PDE7B: variants seen among roughly 807,000 people sequenced by gnomAD.
PDE7B encodes phosphodiesterase 7B.
Under a neutral mutation model 56.2 loss-of-function variants are expected in PDE7B, and 29 were observed. The observed-to-expected ratio is 0.52, with a 90% CI of 0.38 to 0.70. PDE7B has a LOEUF of 0.70. Ranked by LOEUF, PDE7B falls within the 30% of genes least tolerant of loss-of-function variation. PDE7B has a pLI of 0.00. For missense variants in PDE7B, 490 were observed against 565.0 expected (o/e 0.87, Z 1.35); for synonymous variants, 197 against 196.9 (o/e 1.00, Z 0.00).
intron 1 of PDE7B, among the ~76,000 whole-genome samples, chr6:135,917,317 AT>A (rs902819734): frequency 1.3e-5 from 2 of 150,558 alleles, no homozygotes; most frequent in African/African-American, 2.4e-5. Context: ...TGCATAGGTT[AT>A]TTTTTTTTCC....
chr6:135,869,939 A>T (rs1364411199), intron 1 of PDE7B, among the ~76,000 whole-genome samples: 1 of 152,250 alleles, frequency 6.6e-6, no homozygotes, highest in African/African-American at 2.4e-5. Context: ...GGCACAGGGC[A>T]TGCAGATATT....
At chr6:135,981,201 G>A (rs1378355769) in intron 2 of PDE7B, among the ~76,000 whole-genome samples, 1 of 148,094 alleles carries the variant, frequency 6.8e-6, no homozygotes, top group African/African-American at 2.5e-5. Flanking sequence ...ACCAAACACC[G>A]AATATTCTCA....
chr6:135,977,794 G>T (rs1167587647), intron 2 of PDE7B, among the ~76,000 whole-genome samples: 1 of 152,122 alleles, frequency 6.6e-6, no homozygotes, highest in African/African-American at 2.4e-5. Context: ...AAGTGAAATT[G>T]CATGGGCCTA....
intron 2 of PDE7B, among the ~76,000 whole-genome samples, chr6:136,052,572 T>C (rs1020668278): frequency 1.3e-5 from 2 of 151,564 alleles, no homozygotes; most frequent in African/African-American, 2.4e-5. Flanking sequence ...AGTGCAAGTC[T>C]CCACCCAGAG....
intron 2 of PDE7B, among the ~76,000 whole-genome samples, chr6:136,054,123 T>A (rs1463340931): frequency 6.6e-6 from 1 of 152,168 alleles, no homozygotes; most frequent in Admixed American, 6.5e-5. Flanking sequence ...GACATGAAGT[T>A]CTTGCCCATG....
Position 135,929,616 on chromosome 6 carries a change from C to A in PDE7B, c.22-17848C>A, listed in dbSNP as rs140255352. On this transcript the variant is annotated intron_variant, in intron 1 of 12. Transcript: ENST00000308191. ...TCTTTTCCTTTTTATAATGCAGCTA[C>A]TAGAAAACTTAAAAGTACATATGTG... 3.4e-3 allele frequency among the ~76,000 whole-genome samples: 524 copies of A among 152,206 alleles called. 3 individuals carry two copies. Among genetic ancestry groups the A allele is most frequent in the African/African-American group, 0.012 (502 of 41,534 alleles).
intron 2 of PDE7B, among the ~76,000 whole-genome samples, chr6:135,998,230 T>C (rs1775600570): frequency 6.6e-6 from 1 of 152,176 alleles, no homozygotes; most frequent in South Asian, 2.1e-4. Flanking sequence ...AAAATAGAGG[T>C]TCACTATTAT....
chr6:136,145,721 C>T (rs1308553726), intron 3 of PDE7B, among the ~76,000 whole-genome samples: 1 of 152,136 alleles, frequency 6.6e-6, no homozygotes, highest in Non-Finnish European at 1.5e-5. Context: ...CTTGGCTTTC[C>T]TCTGTCCTTA....
chr6:136,054,222 A>G (rs562263930), intron 2 of PDE7B, among the ~76,000 whole-genome samples: 38 of 152,216 alleles, frequency 2.5e-4, no homozygotes, highest in Middle Eastern at 3.4e-3. Context: ...ATCTTGAATT[A>G]ATTTTTGTAT....
intron 2 of PDE7B, among the ~76,000 whole-genome samples, chr6:136,100,705 C>T (rs1777546496): frequency 6.6e-6 from 1 of 152,182 alleles, no homozygotes; most frequent in African/African-American, 2.4e-5. Flanking sequence ...GCTATCATGT[C>T]ATCTGCAAAC....
chr6:136,004,071 C>A (rs2128206389), intron 2 of PDE7B, among the ~76,000 whole-genome samples: 1 of 152,118 alleles, frequency 6.6e-6, no homozygotes, highest in East Asian at 1.9e-4. Context: ...TAAATGTAAT[C>A]CAGCATATAA....
At chr6:136,176,512 G>T (rs536954454) in intron 9 of PDE7B, among the ~76,000 whole-genome samples, 5 of 151,972 alleles carry the variant, frequency 3.3e-5, no homozygotes, top group Non-Finnish European at 7.4e-5. Flanking sequence ...ATGTACCATG[G>T]TTTATTTAAC....
At chr6:135,852,235 G>A (rs1774955612) in intron 1 of PDE7B, among the ~76,000 whole-genome samples, 1 of 152,002 alleles carries the variant, frequency 6.6e-6, no homozygotes, top group African/African-American at 2.4e-5. Context: ...AAGGGCAGCA[G>A]GGTTTCATTC....
chr6:135,943,549 C>A (rs1328546358), intron 1 of PDE7B, among the ~76,000 whole-genome samples: 1 of 152,210 alleles, frequency 6.6e-6, no homozygotes, highest in East Asian at 1.9e-4. Flanking sequence ...AACATTTATT[C>A]TATCCATCAT....
intron 1 of PDE7B, among the ~76,000 whole-genome samples, chr6:135,879,685 T>C (rs1775568917): frequency 6.6e-6 from 1 of 152,174 alleles, no homozygotes; most frequent in Admixed American, 6.5e-5. Flanking sequence ...GAAATACAGT[T>C]GGAGAGGCAA....
chr6:136,024,683 A>G (rs1283563669), intron 2 of PDE7B, among the ~76,000 whole-genome samples: 1 of 152,140 alleles, frequency 6.6e-6, no homozygotes, highest in Non-Finnish European at 1.5e-5. Flanking sequence ...GTATGCTTGC[A>G]TTTCATCCTC....
intron 2 of PDE7B, among the ~76,000 whole-genome samples, chr6:136,020,988 GTC>G (rs1193755604): frequency 2.6e-5 from 4 of 152,132 alleles, no homozygotes; most frequent in Non-Finnish European, 4.4e-5. Flanking sequence ...CAAGAGCTAC[GTC>G]TTTCTGATCT....
intron 2 of PDE7B, among the ~76,000 whole-genome samples, chr6:136,010,259 C>G (rs1469746116): frequency 1.3e-5 from 2 of 152,188 alleles, no homozygotes; most frequent in Middle Eastern, 6.8e-3. Context: ...TCTTATTGCG[C>G]TGTGGTCTGA....
intron 1 of PDE7B, among the ~76,000 whole-genome samples, chr6:135,886,161 AC>A (rs1192846800): frequency 6.6e-6 from 1 of 151,988 alleles, no homozygotes; most frequent in Non-Finnish European, 1.5e-5. Flanking sequence ...ATACTAAGAT[AC>A]CGTTGAGTGC....
Sources: allele counts gnomAD v4.1 joint callset (sites outside exome capture counted in the v4.1 genomes callset), GRCh38; gene constraint gnomAD v4.1.1; transcripts MANE v1.5; gene names NCBI Gene and HGNC (gene_info 2026-07-23, HGNC 2026-07-21).